Variants in XPO7 observed in about 807,000 individuals in gnomAD.
XPO7 encodes the protein exportin 7.
In XPO7, 21 loss-of-function variants were observed where a neutral mutation model predicts 144.3. The observed-to-expected ratio is 0.15, with a 90% CI of 0.10 to 0.21. The LOEUF (loss-of-function observed/expected upper bound fraction) is 0.21, where lower values mean the gene tolerates loss of function less well. Among genes scored for constraint, XPO7 ranks in the 10% least tolerant of loss-of-function variants. XPO7 has a pLI of 1.00. For missense variants in XPO7, 808 were observed against 1,325.8 expected, an observed-to-expected ratio of 0.61 and a Z score of 6.06; for synonymous variants, 580 against 499.6, an observed-to-expected ratio of 1.16 and a Z score of -2.15.
At chr8:21,924,586 G>A (rs558652829) in intron 1 of XPO7, among the ~76,000 whole-genome samples, 1 of 152,230 alleles carries the variant, frequency 6.6e-6, no homozygotes, top group South Asian at 2.1e-4. Flanking sequence ...ACAGCTTTGG[G>A]GGGATTTATT....
At chr8:21,923,911 A>G (rs1336209516) in intron 1 of XPO7, among the ~76,000 whole-genome samples, 2 of 152,248 alleles carry the variant, frequency 1.3e-5, no homozygotes, top group Non-Finnish European at 2.9e-5. Flanking sequence ...AGTATGTGCA[A>G]GGAAGATAGT....
intron 1 of XPO7, among the ~76,000 whole-genome samples, chr8:21,961,259 G>A (rs890572775): frequency 2.6e-5 from 4 of 151,470 alleles, no homozygotes; most frequent in African/African-American, 2.4e-5. Context: ...ACCCAGGCTG[G>A]AGTACAGTGG....
At chr8:21,963,070 G>A (rs1472347732) in intron 1 of XPO7, among the ~76,000 whole-genome samples, 3 of 152,084 alleles carry the variant, frequency 2.0e-5, no homozygotes, top group East Asian at 1.9e-4. Flanking sequence ...TTGGGTTTTC[G>A]GCAATTCTTT....
Position 21,976,464 on chromosome 8 carries a change from A to G in XPO7, c.706A>G (p.Thr236Ala), listed in dbSNP as rs1017149952. 3 of 1,613,844 alleles carry G rather than the reference A, an allele frequency of 1.9e-6. No homozygotes were observed. Among genetic ancestry groups the G allele is most frequent in the African/African-American group, 2.7e-5 (2 of 74,906 alleles). The change falls in exon 7 of 28, where the codon ACT (threonine) becomes GCT (alanine). Residue 236 changes from threonine (T) to alanine (A), a missense_variant. Physicochemically the swap from Thr to Ala is moderately conservative, Grantham distance 58. This residue lies in a region of XPO7 where 223 missense variants were observed against 368.8 expected (regional missense o/e 0.60). Transcript: ENST00000252512. ...CLNFDFIGTS[T>A]DESSDDLCTV... ...CAACTTTGACTTCATCGGCACTTCC[A>G]CTGATGAGTCCTCAGACGACCTGTG...
chr8:21,982,801 C>T lies in XPO7; in HGVS notation c.1266C>T (p.His422=), dbSNP rs746404185. The change falls in exon 11 of 28, where the codon CAC becomes CAT. Residue 422 remains histidine, a synonymous_variant. Transcript: ENST00000252512. The stretch of plus-strand genomic sequence containing the variant: ...TCACATCCCGGTTGGAATCTGTGCA[C>T]ATCATACTGAGGTAAGGAAACTTAG... ...AYITSRLESV[H]IILRDGLEDP... The T allele has an allele frequency of 6.2e-7, 1 of 1,605,938 alleles. No homozygotes were observed. The highest frequency in any genetic ancestry group is 8.5e-7 in the Non-Finnish European group (1 of 1,177,352).
In XPO7 at chr8:21,927,524, T is replaced by TA. The variant is rs1265653875; in HGVS notation, c.18+7744dup. On this transcript the variant is annotated intron_variant, in intron 1 of 27. Transcript: ENST00000252512. ...TTGATAGCATTGATAGGGTGAGACT[T>TA]AAAAAAAACCAACCTTTTTTTTTTT... is the stretch of plus-strand genomic sequence containing the variant. Among the ~76,000 whole-genome samples the TA allele has an allele frequency of 2.1e-4, 31 of 147,646 alleles. No homozygotes were observed. In the East Asian group the frequency reaches 2.6e-3, roughly 12 times the overall value.
intron 1 of XPO7, among the ~76,000 whole-genome samples, chr8:21,944,712 T>C (rs79932574): frequency 6.6e-6 from 1 of 152,156 alleles, no homozygotes; most frequent in African/African-American, 2.4e-5. Flanking sequence ...CAGATAAACA[T>C]GTGAACAAAG....
At chr8:21,926,457 G>A (rs1308104336) in intron 1 of XPO7, among the ~76,000 whole-genome samples, 2 of 152,120 alleles carry the variant, frequency 1.3e-5, no homozygotes, top group Non-Finnish European at 2.9e-5. Flanking sequence ...AAAGGGAAAT[G>A]AAGGGTTTTC....
At chr8:22,004,646 A>C (rs1468023695) in intron 27 of XPO7, among the ~76,000 whole-genome samples, 1 of 152,142 alleles carries the variant, frequency 6.6e-6, no homozygotes, top group African/African-American at 2.4e-5. Context: ...TGTGGTTAGC[A>C]GCCGCCCTAT....
In XPO7 at chr8:21,987,225, T is replaced by C. The variant is rs756064724; in HGVS notation, c.1662T>C (p.Phe554=). 3 of 1,613,918 alleles carry C rather than the reference T, an allele frequency of 1.9e-6. No homozygotes were observed. Among genetic ancestry groups the C allele is most frequent in the African/African-American group, 2.7e-5 (2 of 74,934 alleles). Residue 554 remains phenylalanine (F), a synonymous_variant, in exon 14 of 28, where the codon TTT becomes TTC. Coordinates refer to ENST00000252512, the MANE Select transcript of XPO7 (RefSeq NM_015024.5). ...EKLELAMLSF[F]EQFRKIYIGD... Reference sequence around the variant, plus strand: ...TAGAGTTGGCCATGCTGAGCTTTTTTGAACAGTTTCGTAAGATCTACATTG... The same window carrying C: ...TAGAGTTGGCCATGCTGAGCTTTTTCGAACAGTTTCGTAAGATCTACATTG...
chr8:21,950,216 T>C (rs1345450395), intron 1 of XPO7, among the ~76,000 whole-genome samples: 1 of 152,226 alleles, frequency 6.6e-6, no homozygotes, highest in Non-Finnish European at 1.5e-5. Context: ...GTAAGGACTT[T>C]GCTTTAAACC....
At chr8:21,970,775 C>G (rs1302831943) in intron 4 of XPO7, among the ~76,000 whole-genome samples, 1 of 152,050 alleles carries the variant, frequency 6.6e-6, no homozygotes, top group Non-Finnish European at 1.5e-5. Flanking sequence ...ACATATACAA[C>G]AGCAGTCCCG....
intron 1 of XPO7, chr8:21,966,190 G>C: frequency 1.4e-6 from 1 of 710,054 alleles, no homozygotes; most frequent in Admixed American, 2.1e-5. Flanking sequence ...ATCTGTGAGT[G>C]AGCATATGCT....
At chr8:21,945,325 A>G (rs976003720) in intron 1 of XPO7, among the ~76,000 whole-genome samples, 3 of 151,212 alleles carry the variant, frequency 2.0e-5, no homozygotes, top group African/African-American at 7.4e-5. Context: ...AAACTGCTGG[A>G]ATAGAAGTCT....
In XPO7 at chr8:21,962,602, CA is replaced by C. The variant is rs147630290; in HGVS notation, c.19-4254del. 8.9e-3 allele frequency among the ~76,000 whole-genome samples: 1,349 copies of C among 152,194 alleles called. 24 individuals are homozygous for C. Among genetic ancestry groups the C allele is most frequent in the African/African-American group, 0.031 (1,296 of 41,544 alleles). On this transcript the variant is annotated intron_variant, in intron 1 of 27. Transcript: ENST00000252512. ...AGTTGTTAGGATTTTTTTCTGCTTA[CA>C]GAGGAATATGTGGTTGTGGTCAAAA... is the stretch of plus-strand genomic sequence containing the variant.
intron 16 of XPO7, 33 bp from the exon 17 acceptor site, chr8:21,990,311 A>T: frequency 6.2e-7 from 1 of 1,610,062 alleles, no homozygotes; most frequent in Non-Finnish European, 8.5e-7. Context: ...GGCCTGCTTC[A>T]CACTTTCCTT....
chr8:21,999,650 A>G lies in XPO7; in HGVS notation c.2758A>G (p.Ile920Val). ...CGTCATCATGTATATTCTCTCTTCCATTTCTGAAGGACTTACTGCACTTGG... is the reference window on the plus strand; with the variant it reads ...CGTCATCATGTATATTCTCTCTTCCGTTTCTGAAGGACTTACTGCACTTGG... ...PHVIMYILSS[I>V]SEGLTALDTM... Residue 920 changes from isoleucine (I) to valine (V), a missense_variant, in exon 24 of 28, where the codon ATT becomes GTT. Physicochemically the swap from Ile to Val is conservative, Grantham distance 29 (BLOSUM62 3). This residue lies in a region of XPO7 where 140 missense variants were observed against 237.9 expected (regional missense o/e 0.59). Coordinates refer to ENST00000252512, the MANE Select transcript of XPO7 (RefSeq NM_015024.5). 1 of 1,613,836 alleles carries G rather than the reference A, an allele frequency of 6.2e-7. No individual in the cohort carries two copies. The highest frequency in any genetic ancestry group is 8.5e-7 in the Non-Finnish European group (1 of 1,179,868).
intron 21 of XPO7, among the ~76,000 whole-genome samples, chr8:21,998,389 C>T (rs560488746): frequency 1.5e-3 from 221 of 152,014 alleles, no homozygotes; most frequent in South Asian, 5.0e-3. Flanking sequence ...TGCAGTGAGC[C>T]GAAATTGCGC....
chr8:21,952,310 A>AT (rs897959338), intron 1 of XPO7, among the ~76,000 whole-genome samples: 42 of 148,928 alleles, frequency 2.8e-4, no homozygotes, highest in Admixed American at 5.4e-4. Flanking sequence ...TGAGTGTTGT[A>AT]TTTTTTTTTT....
Sources: gnomAD v4.1 joint callset for allele counts (sites outside exome capture counted in the v4.1 genomes callset) on GRCh38, gnomAD v4.1.1 for gene constraint, gnomAD v4.1.1 regional missense constraint, MANE v1.5 for transcripts, NCBI Gene and HGNC (gene_info 2026-07-23, HGNC 2026-07-21) for gene names.